The following ACBD5 variants were observed in gnomAD, a reference collection of about 807,000 sequenced individuals.
ACBD5 encodes the protein acyl-CoA binding domain containing 5.
Under a neutral mutation model 71.8 loss-of-function variants are expected in ACBD5, and 40 were observed. That is an observed-to-expected ratio of 0.56 (90% confidence interval 0.43 to 0.72). The LOEUF is 0.72. Among genes scored for constraint, ACBD5 ranks in the 30% least tolerant of loss-of-function variants. The pLI is 0.00. For missense variants in ACBD5, 559 were observed against 644.5 expected (o/e 0.87, Z 1.44); for synonymous variants, 229 against 218.6 (o/e 1.05, Z -0.42).
chr10:27,211,172 C>A, intron 8 of ACBD5, 91 bp from the exon 9 acceptor site: 1 of 1,291,776 alleles, frequency 7.7e-7, no homozygotes, highest in Non-Finnish European at 1.1e-6. Flanking sequence ...TACTGTTTTC[C>A]TAAAATGTTC....
chr10:27,194,256 A>C (rs1383241907), downstream of ACBD5, among the ~76,000 whole-genome samples: 10 of 20,296 alleles, frequency 4.9e-4, no homozygotes, highest in Non-Finnish European at 1.8e-3. Context: ...CGTCTCAATT[A>C]AAAAAAAAAA....
rs200718006 is a variant in ACBD5 at position 27,237,943 on chromosome 10, A to AT, written c.181+2375dup. Among the ~76,000 whole-genome samples the AT allele has an allele frequency of 3.0e-3, 427 of 142,996 alleles. 12 individuals carry two copies. The highest frequency in any genetic ancestry group is 0.028 in the East Asian group (131 of 4,666). The allele number at this position is 142,996 out of a possible 152,430, so 93.8% of individuals were successfully genotyped here. ...TAGGGTATCTTTTTTTTTAAATTTA[A>AT]TTTAATTTAATTTTATTTTATTTTT... On this transcript the variant is annotated intron_variant, in intron 2 of 12. Transcript: ENST00000396271.
intron 11 of ACBD5, among the ~76,000 whole-genome samples, chr10:27,204,782 A>T (rs955928958): frequency 1.3e-5 from 2 of 152,226 alleles, no homozygotes; most frequent in African/African-American, 4.8e-5. Context: ...GCAAAGGTAG[A>T]TTTCATTTGG....
In ACBD5 at chr10:27,196,972, C is replaced by A. The variant is rs12356269; in HGVS notation, c.*458G>T. 6.6e-6 allele frequency: 3 copies of A among 453,962 alleles called. No individual in the cohort carries two copies. The highest frequency in any genetic ancestry group is 4.7e-5 in the South Asian group (3 of 64,330). 28.1% of individuals were successfully genotyped at this position (453,962 alleles called of 1,614,324 possible). A position where few individuals can be genotyped will look rare whatever the true frequency, so the allele number is the denominator to read the frequency against. On this transcript the variant is annotated 3_prime_UTR_variant, in exon 13 of 13. Transcript: ENST00000396271. ...CAACTCCGTGACTAAGATATAAAGT[C>A]GATTACATCTCATTTGAAATTCACT...
Position 27,205,256 on chromosome 10 carries a change from T to G in ACBD5, c.1405-8A>C, listed in dbSNP as rs1204602803. ...TGATGTTGATGATTTTGCCTGTAAA[T>G]GCAAATGAAGGTGACTTAGCCTTGA... On this transcript the variant is annotated splice_region_variant and splice_polypyrimidine_tract_variant and intron_variant, in intron 10 of 12. Coordinates refer to ENST00000396271, the MANE Select transcript of ACBD5 (RefSeq NM_145698.5). 1 of 1,612,606 alleles carries G rather than the reference T, an allele frequency of 6.2e-7. No homozygotes were observed.
chr10:27,209,484 G>A (rs1012902513), intron 9 of ACBD5, among the ~76,000 whole-genome samples: 4 of 151,982 alleles, frequency 2.6e-5, no homozygotes, highest in Non-Finnish European at 5.9e-5. Flanking sequence ...CACTACGCCC[G>A]GCTAATTTTT....
chr10:27,201,530 T>TA (rs2059929133), intron 12 of ACBD5, among the ~76,000 whole-genome samples: 1 of 152,226 alleles, frequency 6.6e-6, no homozygotes, highest in Non-Finnish European at 1.5e-5. Flanking sequence ...AGCTTGAGTG[T>TA]GCTGGCTCAT....
chr10:27,220,041 A>G (rs2062142027), intron 5 of ACBD5, among the ~76,000 whole-genome samples, 184 bp from the exon 6 acceptor site: 1 of 152,176 alleles, frequency 6.6e-6, no homozygotes, highest in African/African-American at 2.4e-5. Flanking sequence ...AATTCCTTCA[A>G]TTATCACCTT....
At chr10:27,225,076 TC>T (rs2062841751) in intron 4 of ACBD5, among the ~76,000 whole-genome samples, 1 of 84,818 alleles carries the variant, frequency 1.2e-5, no homozygotes, top group East Asian at 2.8e-4. Flanking sequence ...TCGCTCTCTT[TC>T]TTTTTTTTTT....
At chr10:27,214,970 C>T (rs1352901809) in intron 8 of ACBD5, among the ~76,000 whole-genome samples, 1 of 152,158 alleles carries the variant, frequency 6.6e-6, no homozygotes, top group Non-Finnish European at 1.5e-5. Flanking sequence ...TTGAAACCAA[C>T]CTGGCCAACA....
chr10:27,211,201 A>G, intron 8 of ACBD5, 120 bp from the exon 9 acceptor site: 1 of 1,069,662 alleles, frequency 9.3e-7, no homozygotes, highest in Non-Finnish European at 1.4e-6. Flanking sequence ...TATTATTGGA[A>G]ATATTCTTTT....
At chr10:27,213,046 G>C (rs2061270859) in intron 8 of ACBD5, among the ~76,000 whole-genome samples, 1 of 152,132 alleles carries the variant, frequency 6.6e-6, no homozygotes, top group Non-Finnish European at 1.5e-5. Flanking sequence ...AACAGGGTAG[G>C]TAGGTAGGAA....
Position 27,219,796 on chromosome 10 carries a change from G to A in ACBD5, c.552C>T (p.Ser184=). The change falls in exon 6 of 13, where the codon AGC becomes AGT. Residue 184 remains serine (S), a synonymous_variant. Coordinates refer to ENST00000396271, the MANE Select transcript of ACBD5 (RefSeq NM_145698.5). ...NAKTVNGKAE[S]SDSGAESEEE... ...CCTCAGACTCGGCTCCACTGTCACT[G>A]CTTTCAGCTTTACCATTAACGGTTT... The A allele has an allele frequency of 3.7e-6, 6 of 1,614,002 alleles. No individual in the cohort carries two copies. Among genetic ancestry groups the A allele is most frequent in the Non-Finnish European group, 5.1e-6 (6 of 1,179,998 alleles).
At position 27,186,766 on chromosome 10, in the gene ACBD5, ATTTAT is replaced by A. The variant is rs1331801041; in HGVS notation, c.1494-4056_1494-4052del. On this transcript the variant is annotated intron_variant, in intron 13 of 13. Coordinates refer to the ACBD5 transcript ENST00000676511. ...TAAATCTTCAAAGCTTTTTTCATTT[ATTTAT>A]TTTGTTTATTGCACTTTATGAAAAC... 6 of 518,144 alleles carry A rather than the reference ATTTAT, an allele frequency of 1.2e-5. No individual in the cohort carries two copies. In the East Asian group the frequency reaches 1.7e-4, roughly 15 times the overall value. The allele number at this position is 518,144 out of a possible 1,614,324, so 32.1% of individuals were successfully genotyped here. A position where few individuals can be genotyped will look rare whatever the true frequency, so the allele number is the denominator to read the frequency against.
chr10:27,221,197 T>A (rs1347634108), intron 5 of ACBD5, among the ~76,000 whole-genome samples: 1 of 152,220 alleles, frequency 6.6e-6, no homozygotes, highest in East Asian at 1.9e-4. Context: ...GGTTATATGG[T>A]ACATATGCCA....
intron 8 of ACBD5, 82 bp from the exon 9 acceptor site, chr10:27,211,163 ACT>A: frequency 7.4e-7 from 1 of 1,355,050 alleles, no homozygotes; most frequent in South Asian, 1.2e-5. Context: ...TAGGAGAAAT[ACT>A]GTTTTCCTAA....
intron 3 of ACBD5, among the ~76,000 whole-genome samples, chr10:27,232,098 G>A (rs2063943857): frequency 1.3e-5 from 2 of 152,048 alleles, no homozygotes; most frequent in Non-Finnish European, 2.9e-5. Context: ...ATCCTTCAAA[G>A]TTTTTATATT....
chr10:27,204,361 C>T, intron 12 of ACBD5, 79 bp downstream of exon 12: 1 of 998,580 alleles, frequency 1.0e-6, no homozygotes, highest in Non-Finnish European at 1.6e-6. Context: ...ACCTAGCATC[C>T]CTTAATTGCT....
At chr10:27,190,157 C>T (rs536128272) in intron 13 of ACBD5, among the ~76,000 whole-genome samples, 36 of 152,094 alleles carry the variant, frequency 2.4e-4, no homozygotes, top group African/African-American at 7.7e-4. Context: ...TGATGGTGCG[C>T]GCCAGTAATC....
Sources: gnomAD v4.1 joint callset for allele counts (sites outside exome capture counted in the v4.1 genomes callset) on GRCh38, gnomAD v4.1.1 for gene constraint, MANE v1.5 for transcripts, NCBI Gene and HGNC (gene_info 2026-07-23, HGNC 2026-07-21) for gene names.